The following EFEMP2 variants were observed in gnomAD, a reference collection of about 807,000 sequenced individuals.
EFEMP2 encodes EGF-like fibulin extracellular matrix protein 2, also known as EGF-containing fibulin-like extracellular matrix protein 2.
Under a neutral mutation model 55.3 loss-of-function variants are expected in EFEMP2, and 21 were observed. That is an observed-to-expected ratio of 0.38 (90% CI 0.27 to 0.55). EFEMP2 has a LOEUF of 0.55. EFEMP2 is among the 20% of genes least tolerant of loss of function. EFEMP2 has a pLI of 0.77. For synonymous variants in EFEMP2, 275 were observed against 242.3 expected (o/e 1.14, Z -1.25); for missense variants, 513 against 615.1 (o/e 0.83, Z 1.76).
intron 9 of EFEMP2, 112 bp downstream of exon 9, chr11:65,868,183 A>C: frequency 6.4e-7 from 1 of 1,569,394 alleles, no homozygotes; most frequent in Non-Finnish European, 8.7e-7. Flanking sequence ...ATGAAGGACT[A>C]TGATTCCCAT....
intron 1 of EFEMP2, 146 bp from the exon 2 acceptor site, chr11:65,872,507 ACAGGCCCAGGTCC>A: frequency 1.7e-6 from 1 of 582,854 alleles, no homozygotes; most frequent in Non-Finnish European, 3.1e-6. Context: ...CCGACTCCTC[ACAGGCCCAGGTCC>A]CAGGCCCGGG....
intron 3 of EFEMP2, 24 bp from the exon 4 acceptor site, chr11:65,871,387 A>G (rs1480599644): frequency 6.2e-7 from 1 of 1,611,446 alleles, no homozygotes; most frequent in Non-Finnish European, 8.5e-7. Flanking sequence ...CCTGCTGGGC[A>G]CAGCCAGTCT....
chr11:65,870,322 C>T (rs1487518630), intron 5 of EFEMP2, 85 bp from the exon 6 acceptor site: 2 of 1,460,690 alleles, frequency 1.4e-6, no homozygotes, highest in East Asian at 4.5e-5. Context: ...CAAGGCTTCA[C>T]CACCCATAAT....
intron 3 of EFEMP2, 62 bp downstream of exon 3, chr11:65,871,908 G>C: frequency 2.6e-6 from 4 of 1,544,880 alleles, no homozygotes; most frequent in African/African-American, 1.4e-5. Context: ...CTGTCCCTTG[G>C]AAAGCAGCTA....
intron 9 of EFEMP2, 105 bp downstream of exon 9, chr11:65,868,190 C>T (rs950192179): frequency 1.3e-6 from 2 of 1,573,450 alleles, no homozygotes; most frequent in African/African-American, 1.4e-5. Flanking sequence ...ACTATGATTC[C>T]CATCATCCCT....
intron 4 of EFEMP2, 76 bp downstream of exon 4, chr11:65,871,081 G>A: frequency 1.3e-6 from 2 of 1,537,178 alleles, no homozygotes; most frequent in Admixed American, 1.8e-5. Context: ...TTTGAGCTGG[G>A]GAGGAACATG....
intron 3 of EFEMP2, 149 bp from the exon 4 acceptor site, chr11:65,871,512 G>A (rs1336143512): frequency 1.3e-6 from 1 of 761,506 alleles, no homozygotes; most frequent in Admixed American, 2.2e-5. Context: ...GCCTGCTCAG[G>A]ACCCCTCCCC....
chr11:65,868,875 A>G (rs1859914082), intron 7 of EFEMP2: 2 of 524,514 alleles, frequency 3.8e-6, no homozygotes, highest in Admixed American at 6.3e-5. Context: ...CTGGGAATCT[A>G]GAGGCTTGGG....
At position 65,870,551 on chromosome 11, in the gene EFEMP2, C is replaced by T. The variant is rs1248173748; in HGVS notation, c.475G>A (p.Gly159Arg). ...CTGGACTCACCCACACACTCGGGCC[C>T]GATCTTGCGGTAACCATCAGGGCAG... ...CTCPDGYRKI[G>R]PECVDIDECR... Residue 159 changes from glycine to arginine, a missense_variant, in exon 5 of 11, where the codon GGG (glycine) becomes AGG (arginine). Coordinates refer to ENST00000307998, the MANE Select transcript of EFEMP2 (RefSeq NM_016938.5). 6 of 1,613,708 alleles carry T rather than the reference C, an allele frequency of 3.7e-6. No homozygotes were observed. Among genetic ancestry groups the T allele is most frequent in the East Asian group, 2.2e-5 (1 of 44,844 alleles).
rs1304939046 is a variant in EFEMP2, at chr11:65,866,663, G to A, written c.*255C>T. 1.4e-6 allele frequency: 1 copy of A among 704,214 alleles called. No individual in the cohort carries two copies. Among genetic ancestry groups the A allele is most frequent in the Non-Finnish European group, 2.6e-6 (1 of 386,096 alleles). 43.6% of individuals were successfully genotyped at this position (704,214 alleles called of 1,614,324 possible). A position where few individuals can be genotyped will look rare whatever the true frequency, so the allele number is the denominator to read the frequency against. On this transcript the variant is annotated 3_prime_UTR_variant, in exon 11 of 11. Coordinates refer to ENST00000307998, the MANE Select transcript of EFEMP2 (RefSeq NM_016938.5). Reference sequence around the variant, plus strand: ...TACCTCCTCTCCTCTCGGGGTGACTGAAGCTCGTGGTGCAGAGCTCCCAGC... The same window carrying A: ...TACCTCCTCTCCTCTCGGGGTGACTAAAGCTCGTGGTGCAGAGCTCCCAGC...
chr11:65,872,201 C>T lies in EFEMP2; in HGVS notation c.111+43G>A, dbSNP rs374495676. ...CACCCTGGGTCCCGGTCTCTTCCTC[C>T]CTACCCTTCCTGTCCCAGGCCAGCG... On this transcript the variant is annotated intron_variant, in intron 2 of 10. Transcript: ENST00000307998. 1.6e-4 allele frequency: 245 copies of T among 1,532,846 alleles called. 2 individuals are homozygous for T. The South Asian group carries it at 2.8e-3, about 17-fold the overall frequency. 95.0% of individuals were successfully genotyped at this position (1,532,846 alleles called of 1,614,324 possible). A position where few individuals can be genotyped will look rare whatever the true frequency, so the allele number is the denominator to read the frequency against.
intron 3 of EFEMP2, 164 bp downstream of exon 3, chr11:65,871,806 C>T: frequency 1.2e-6 from 1 of 858,324 alleles, no homozygotes; most frequent in Non-Finnish European, 1.9e-6. Flanking sequence ...CCTAGCTCAA[C>T]TGGCCTCCAG....
Position 65,868,555 on chromosome 11 carries a change from G to A in EFEMP2, c.802C>T (p.His268Tyr). ...AGCAGCTGGTAACCCTGTGGGCAGT[G>A]GCAGGAGAAACGGCCTGGCTCGTTG... ...CINEPGRFSC[H>Y]CPQGYQLLAT... The change falls in exon 8 of 11, where the codon CAC (histidine) becomes TAC (tyrosine). Residue 268 changes from histidine (H) to tyrosine (Y), a missense_variant. By Grantham distance (83) the His-to-Tyr change is moderately conservative (BLOSUM62 2). Transcript: ENST00000307998. The A allele has an allele frequency of 6.2e-7, 1 of 1,614,058 alleles. No individual in the cohort carries two copies. The highest frequency in any genetic ancestry group is 8.5e-7 in the Non-Finnish European group (1 of 1,180,034).
rs972385473 is a variant in EFEMP2, at chr11:65,870,207, TG to T, written c.520del (p.Gln174SerfsTer5). On this transcript the variant is annotated frameshift_variant, in exon 6 of 11. Transcript: ENST00000307998. LOFTEE classifies it high-confidence loss of function. ...GCCAGGCAGGTTCACGCAGCGGTGCTGGCAGTAGCGGTAGCGGCACTCGTCT... is the reference window on the plus strand; with the variant it reads ...GCCAGGCAGGTTCACGCAGCGGTGCTGCAGTAGCGGTAGCGGCACTCGTCT... The part of the protein sequence containing the change: ...DIDECRYRYC[Q>X]HRCVNLPGSF... 6.2e-7 allele frequency: 1 copy of T among 1,613,326 alleles called. No individual in the cohort carries two copies. The highest frequency in any genetic ancestry group is 8.5e-7 in the Non-Finnish European group (1 of 1,179,966).
chr11:65,870,935 C>T (rs1025816993), intron 4 of EFEMP2: 1 of 714,064 alleles, frequency 1.4e-6, no homozygotes, highest in South Asian at 1.7e-5. Context: ...GGCAGACTTC[C>T]TGCAGTGTCT....
intron 5 of EFEMP2, 104 bp from the exon 6 acceptor site, chr11:65,870,341 C>G (rs78165274): frequency 2.1e-6 from 3 of 1,429,542 alleles, no homozygotes; most frequent in Non-Finnish European, 3.0e-6. Flanking sequence ...ATCCTGTGTC[C>G]GAGGAGCTGA....
Position 65,868,312 on chromosome 11 carries a change from G to A in EFEMP2, c.957C>T (p.Tyr319=). The A allele has an allele frequency of 6.2e-7, 1 of 1,613,794 alleles. No individual in the cohort carries two copies. The highest frequency in any genetic ancestry group is 8.5e-7 in the Non-Finnish European group (1 of 1,180,034). The change falls in exon 9 of 11, where the codon TAC becomes TAT. Residue 319 remains tyrosine (Y), a synonymous_variant. Coordinates refer to ENST00000307998, the MANE Select transcript of EFEMP2 (RefSeq NM_016938.5). ...TGACTCACTTCTCAGAGACCTGGAT[G>A]TAGGGCTCCACGCAGCGGTTGGTGT... ...CVDTNRCVEP[Y]IQVSENRCLC...
intron 7 of EFEMP2, chr11:65,869,526 G>T: frequency 2.6e-6 from 1 of 377,940 alleles, no homozygotes; most frequent in Non-Finnish European, 5.1e-6. Context: ...CCATTTTATA[G>T]AAGAAGAAAC....
rs1471349107 is a variant in EFEMP2, at chr11:65,866,679, A to C, written c.*239T>G. 3 of 705,450 alleles carry C rather than the reference A, an allele frequency of 4.3e-6. No homozygotes were observed. The highest frequency in any genetic ancestry group is 7.7e-6 in the Non-Finnish European group (3 of 387,560). 43.7% of individuals were successfully genotyped at this position (705,450 alleles called of 1,614,324 possible). On this transcript the variant is annotated 3_prime_UTR_variant, in exon 11 of 11. Transcript: ENST00000307998. ...GGGGTGACTGAAGCTCGTGGTGCAG[A>C]GCTCCCAGCTCCTGTCAATGGGGGC...
Sources: allele counts gnomAD v4.1 joint callset, GRCh38; gene constraint gnomAD v4.1.1; transcripts MANE v1.5; gene names NCBI Gene and HGNC (gene_info 2026-07-23, HGNC 2026-07-21).